Variants in PCDH11X observed in about 807,000 individuals in gnomAD.
PCDH11X encodes the protein protocadherin-11 X-linked.
In PCDH11X, 18 loss-of-function variants were observed where a neutral mutation model predicts 53.3. The ratio of observed to expected loss-of-function variants is 0.34; its 90% CI spans 0.23 to 0.50. The LOEUF is 0.50. Ranked by LOEUF, PCDH11X falls within the 20% of genes least tolerant of loss-of-function variation. PCDH11X has a pLI of 0.98. For synonymous variants in PCDH11X, 279 were observed against 393.3 expected (o/e 0.71, Z 3.44); for missense variants, 570 against 1,032.4 (o/e 0.55, Z 6.14).
chrX:91,782,380 T>C (rs1339585782), intron 1 of PCDH11X, among the ~76,000 whole-genome samples: 1 of 98,692 alleles, frequency 1.0e-5, no homozygotes, highest in African/African-American at 3.8e-5. Flanking sequence ...GTGACTTTAC[T>C]TATTTAGCAA....
In PCDH11X at chrX:92,003,909, T is replaced by A. The variant is rs183921221; in HGVS notation, c.3033+124636T>A. On this transcript the variant is annotated intron_variant, in intron 6 of 10. Coordinates refer to ENST00000682573, the MANE Select transcript of PCDH11X (RefSeq NM_032968.5). ...TATTTGTGCTCTGATATTTATTATC[T>A]CTTTTCTTCTACTAACTTTGGTTTG... Among the ~76,000 whole-genome samples, 294 of 110,958 alleles carry A rather than the reference T, an allele frequency of 2.6e-3. 3 individuals carry two copies. Among genetic ancestry groups the A allele is most frequent in the Middle Eastern group, 0.014 (3 of 215 alleles).
In PCDH11X at chrX:91,876,789, C is replaced by A; in HGVS notation, c.549C>A (p.Asn183Lys). The part of the protein sequence containing the change: ...VQNYELIKSQ[N>K]IFGLDVIETP... ...CATTGCATGTTTTCCAGAGTCAAAA[C>A]ATTTTTGGCCTCGATGTCATTGAAA... Residue 183 changes from asparagine to lysine, a missense_variant, in exon 6 of 11, where the codon AAC becomes AAA. Around this residue, in one of 6 missense-constraint regions of PCDH11X, gnomAD observed 3 missense variants for 33.4 expected, o/e 0.09. Transcript: ENST00000682573. 8.3e-7 allele frequency: 1 copy of A among 1,207,684 alleles called. No individual in the cohort carries two copies. Among genetic ancestry groups the A allele is most frequent in the Non-Finnish European group, 1.1e-6 (1 of 893,627 alleles).
intron 6 of PCDH11X, among the ~76,000 whole-genome samples, chrX:91,917,043 C>G (rs1941587646): frequency 9.0e-6 from 1 of 111,389 alleles, no homozygotes; most frequent in East Asian, 2.8e-4. Flanking sequence ...ATCACATAAA[C>G]AGAATTAAAA....
intron 6 of PCDH11X, among the ~76,000 whole-genome samples, chrX:91,966,303 G>A (rs1221247499): frequency 2.2e-4 from 24 of 111,293 alleles, no homozygotes; most frequent in Non-Finnish European, 4.1e-4. Context: ...TCAGTTTCAA[G>A]AGAATGAATT....
intron 6 of PCDH11X, among the ~76,000 whole-genome samples, chrX:92,020,485 G>A (rs1422196640): frequency 1.8e-5 from 2 of 111,336 alleles, no homozygotes; most frequent in African/African-American, 6.5e-5. Flanking sequence ...ATTGGGCAGG[G>A]CCTCCCTGCA....
At chrX:91,935,588 CAG>C (rs1313971834) in intron 6 of PCDH11X, among the ~76,000 whole-genome samples, 2 of 106,683 alleles carry the variant, frequency 1.9e-5, no homozygotes, top group Non-Finnish European at 3.9e-5. Context: ...TTTAGAGAAA[CAG>C]AAGTTTTGTA....
chrX:91,821,420 A>G (rs1327402027), intron 4 of PCDH11X, among the ~76,000 whole-genome samples: 2 of 110,358 alleles, frequency 1.8e-5, no homozygotes, highest in African/African-American at 6.6e-5. Context: ...TAGGTATTTT[A>G]TTCTCTGTGA....
intron 10 of PCDH11X, among the ~76,000 whole-genome samples, chrX:92,558,449 G>A (rs1468977032): frequency 3.6e-5 from 4 of 111,477 alleles, no homozygotes; most frequent in African/African-American, 1.3e-4. Flanking sequence ...TGAAAATATG[G>A]AGTTCATTGG....
At chrX:91,847,923 G>C (rs1301131947) in intron 5 of PCDH11X, among the ~76,000 whole-genome samples, 13 of 112,157 alleles carry the variant, frequency 1.2e-4, no homozygotes, top group South Asian at 3.7e-4. Context: ...AATAGGTGAA[G>C]ACTATGTCGT....
At chrX:92,560,363 C>T (rs745939377) in intron 10 of PCDH11X, among the ~76,000 whole-genome samples, 2 of 112,183 alleles carry the variant, frequency 1.8e-5, no homozygotes, top group South Asian at 7.5e-4. Flanking sequence ...CGGGTGTGAC[C>T]CAGCACATTT....
chrX:92,054,096 G>A (rs1194074580), intron 6 of PCDH11X, among the ~76,000 whole-genome samples: 2 of 111,749 alleles, frequency 1.8e-5, no homozygotes, highest in Admixed American at 1.9e-4. Context: ...TTTAACTGAA[G>A]ATACTAACAT....
At position 91,835,154 on chromosome X, in the gene PCDH11X, T is replaced by A. The variant is rs781573662; in HGVS notation, c.-44-307T>A. 1,848 of 596,738 alleles carry A rather than the reference T, an allele frequency of 3.1e-3. 24 individuals carry two copies. In the African/African-American group the frequency reaches 0.033, roughly 11 times the overall value. 49.2% of individuals were successfully genotyped at this position (596,738 alleles called of 1,213,427 possible). On this transcript the variant is annotated intron_variant, in intron 4 of 10. Transcript: ENST00000682573. ...AATTAAATATTTTAATTATTTGTAT[T>A]CTCTTTAACTATCTTGGTATATTAA...
chrX:92,167,610 TC>T (rs1326112303), intron 6 of PCDH11X, among the ~76,000 whole-genome samples: 2 of 111,676 alleles, frequency 1.8e-5, no homozygotes, highest in Non-Finnish European at 1.9e-5. Flanking sequence ...TAGTGATATT[TC>T]TTTACTTTTC....
At chrX:92,155,680 G>A (rs1196037168) in intron 6 of PCDH11X, among the ~76,000 whole-genome samples, 3 of 99,916 alleles carry the variant, frequency 3.0e-5, no homozygotes, top group Non-Finnish European at 5.9e-5. Context: ...AGCCTGGAGT[G>A]CAGTGGCGCC....
At chrX:92,563,937 G>A (rs4020575) in intron 10 of PCDH11X, among the ~76,000 whole-genome samples, 2 of 110,914 alleles carry the variant, frequency 1.8e-5, no homozygotes, top group African/African-American at 3.3e-5. Flanking sequence ...TGCAGGATAC[G>A]AAGTCAGTAT....
intron 6 of PCDH11X, among the ~76,000 whole-genome samples, chrX:92,142,372 A>G (rs9969921): frequency 0.2 from 7,587 of 37,601 alleles, 380 homozygotes; most frequent in African/African-American, 0.33. Flanking sequence ...GCGCGCGCGC[A>G]CACACACACA....
intron 9 of PCDH11X, among the ~76,000 whole-genome samples, chrX:92,428,854 C>T (rs1444077071): frequency 1.5e-4 from 17 of 110,637 alleles, no homozygotes; most frequent in Middle Eastern, 4.2e-3. Context: ...AGGGTGAATA[C>T]GGAGCAGATA....
At chrX:92,390,090 G>A (rs1239472457) in intron 9 of PCDH11X, among the ~76,000 whole-genome samples, 33 of 110,565 alleles carry the variant, frequency 3.0e-4, no homozygotes, top group Non-Finnish European at 4.4e-4. Context: ...TATGCAAAGG[G>A]TAGATATAAT....
At chrX:92,584,847 G>A (rs1440856339) in intron 10 of PCDH11X, among the ~76,000 whole-genome samples, 1 of 86,476 alleles carries the variant, frequency 1.2e-5, no homozygotes, top group Non-Finnish European at 2.1e-5. Flanking sequence ...AGGCTGAAGT[G>A]TAATGGCACA....
Sources: gnomAD v4.1 joint callset for allele counts (sites outside exome capture counted in the v4.1 genomes callset) on GRCh38, gnomAD v4.1.1 for gene constraint, gnomAD v4.1.1 regional missense constraint, MANE v1.5 for transcripts, NCBI Gene and HGNC (gene_info 2026-07-23, HGNC 2026-07-21) for gene names.